SEZ6: variants seen among roughly 807,000 people sequenced by gnomAD.
SEZ6 encodes the protein seizure related 6 homolog.
In SEZ6, 53 loss-of-function variants were observed where a neutral mutation model predicts 101.0. The ratio of observed to expected loss-of-function variants is 0.52; its 90% CI spans 0.42 to 0.66. The LOEUF is 0.66. Ranked by LOEUF, SEZ6 falls within the 30% of genes least tolerant of loss-of-function variation. The pLI, the probability that SEZ6 is intolerant of heterozygous loss-of-function variation, is 0.00. For synonymous variants in SEZ6, 488 were observed against 512.2 expected (o/e 0.95, Z 0.64); for missense variants, 1,102 against 1,289.4 (o/e 0.85, Z 2.23).
At position 28,956,229 on chromosome 17, in the gene SEZ6, C is replaced by T. The variant is rs770791540; in HGVS notation, c.2882G>A (p.Arg961His). Residue 961 changes from arginine (R) to histidine (H), a missense_variant, in exon 16 of 17, where the codon CGC becomes CAC. Arg to His is a conservative substitution (Grantham distance 29, BLOSUM62 0). Transcript: ENST00000317338. The stretch of plus-strand genomic sequence containing the variant: ...GCGGTTGTAGGGGCGGGGGCGGGGG[C>T]GGGGCAGCTGCAGGGAGCTTTTTCC... Reference protein sequence around the residue: ...LQGKSSLQLPRPRPRPYNRIT... With the variant: ...LQGKSSLQLPHPRPRPYNRIT... 531 of 1,313,854 alleles carry T rather than the reference C, an allele frequency of 4.0e-4. No individual in the cohort carries two copies. The highest frequency in any genetic ancestry group is 5.0e-4 in the Non-Finnish European group (506 of 1,021,912). 81.4% of individuals were successfully genotyped at this position (1,313,854 alleles called of 1,614,324 possible).
chr17:28,955,682 G>A lies in SEZ6; in HGVS notation c.*280C>T, dbSNP rs1367322488. ...GGGCATGAGGAGGCTCAGGATGCTG[G>A]CTGTTGATGCTTGTGCTCCAGCTAT... On this transcript the variant is annotated 3_prime_UTR_variant, in exon 17 of 17. Transcript: ENST00000317338. 3.1e-6 allele frequency: 2 copies of A among 645,050 alleles called. No individual in the cohort carries two copies. The highest frequency in any genetic ancestry group is 5.7e-6 in the Non-Finnish European group (2 of 348,268). The allele number at this position is 645,050 out of a possible 1,614,324, so 40.0% of individuals were successfully genotyped here.
chr17:28,997,480 C>G (rs2041558202), intron 1 of SEZ6, among the ~76,000 whole-genome samples: 1 of 152,140 alleles, frequency 6.6e-6, no homozygotes, highest in Non-Finnish European at 1.5e-5. Flanking sequence ...TTAGAAGCAC[C>G]CTGATCTTGG....
intron 3 of SEZ6, among the ~76,000 whole-genome samples, chr17:28,978,168 A>G (rs2041251011): frequency 6.6e-6 from 1 of 152,222 alleles, no homozygotes; most frequent in South Asian, 2.1e-4. Context: ...GCAGAACAGA[A>G]GGCAGGGAGC....
chr17:28,967,587 C>T (rs1037575178), intron 4 of SEZ6, among the ~76,000 whole-genome samples: 2 of 152,130 alleles, frequency 1.3e-5, no homozygotes, highest in Admixed American at 6.5e-5. Context: ...GTGTGGGGCA[C>T]CACACCCAGA....
intron 1 of SEZ6, among the ~76,000 whole-genome samples, chr17:28,982,879 G>T (rs1044501007): frequency 2.0e-5 from 3 of 152,190 alleles, no homozygotes; most frequent in Admixed American, 6.5e-5. Context: ...TCACTATGTT[G>T]TCTGGGCTGG....
In SEZ6 at chr17:28,957,391, C is replaced by A. The variant is rs762791252; in HGVS notation, c.2451G>T (p.Gln817His). ...GSSILTCHDR[Q>H]AGSPKWSDRA... ...GGTCACTCCACTTGGGGCTGCCAGC[C>A]TGGCGATCATGGCAGGTGAGGATGG... Residue 817 changes from glutamine (Q) to histidine (H), a missense_variant, in exon 12 of 17, where the codon CAG becomes CAT. Gln to His is a conservative substitution (Grantham distance 24, BLOSUM62 0). Transcript: ENST00000317338. The A allele has an allele frequency of 5.0e-6, 8 of 1,613,632 alleles. No individual in the cohort carries two copies. Among genetic ancestry groups the A allele is most frequent in the Non-Finnish European group, 6.8e-6 (8 of 1,179,726 alleles).
intron 1 of SEZ6, among the ~76,000 whole-genome samples, chr17:28,995,776 G>A (rs554706374): frequency 1.3e-5 from 2 of 152,280 alleles, no homozygotes; most frequent in South Asian, 2.1e-4. Flanking sequence ...TGGGACCCAG[G>A]GTGAAGGCTC....
rs775032830 is a variant in SEZ6 at position 28,979,882 on chromosome 17, T to TGTG, written c.725-72_725-70dup. On this transcript the variant is annotated intron_variant, in intron 2 of 16. Coordinates refer to ENST00000317338, the MANE Select transcript of SEZ6 (RefSeq NM_178860.5). ...AAGTGGTCCAACTAAGGCTGAACCG[T>TGTG]GTGTGTGTGTGTGTGTGTGTGTGTG... The TGTG allele has an allele frequency of 6.3e-5, 10 of 157,580 alleles. No individual in the cohort carries two copies. In the South Asian group the frequency reaches 1.5e-3, roughly 23 times the overall value. The allele number at this position is 157,580 out of a possible 1,614,324, so 9.8% of individuals were successfully genotyped here.
At chr17:29,003,638 G>A (rs981174414) in intron 1 of SEZ6, among the ~76,000 whole-genome samples, 3 of 152,210 alleles carry the variant, frequency 2.0e-5, no homozygotes, top group African/African-American at 4.8e-5. Context: ...GGCCAAATGC[G>A]CTGCTCCCCA....
At chr17:28,958,569 C>T (rs1383749767) in intron 10 of SEZ6, among the ~76,000 whole-genome samples, 1 of 152,122 alleles carries the variant, frequency 6.6e-6, no homozygotes, top group African/African-American at 2.4e-5. Context: ...GTGGGCAGAT[C>T]ACTTGAAGCC....
intron 3 of SEZ6, among the ~76,000 whole-genome samples, chr17:28,977,485 G>A (rs986300256): frequency 8.5e-5 from 13 of 152,334 alleles, no homozygotes; most frequent in Admixed American, 3.3e-4. Context: ...GCAGGTCTTC[G>A]TCTCAAGGTT....
At chr17:28,984,810 A>T (rs2041355290) in intron 1 of SEZ6, among the ~76,000 whole-genome samples, 1 of 152,054 alleles carries the variant, frequency 6.6e-6, no homozygotes, top group Non-Finnish European at 1.5e-5. Context: ...GTTTCCCAGG[A>T]TTGTGGCCAG....
intron 1 of SEZ6, among the ~76,000 whole-genome samples, chr17:28,984,213 G>A (rs1455115388): frequency 6.6e-6 from 1 of 152,140 alleles, no homozygotes; most frequent in Non-Finnish European, 1.5e-5. Flanking sequence ...AATAAGTTAC[G>A]GAAGGTCCAG....
chr17:28,960,724 G>A (rs2040964718), intron 6 of SEZ6, 53 bp from the exon 7 acceptor site: 1 of 1,611,896 alleles, frequency 6.2e-7, no homozygotes, highest in African/African-American at 1.3e-5. Flanking sequence ...CAGATGGGGT[G>A]TGGCCCCAGG....
At position 28,981,566 on chromosome 17, in the gene SEZ6, G is replaced by A. The variant is rs1423764389; in HGVS notation, c.529C>T (p.Pro177Ser). ...GPGEIASTTP[P>S]SRAWTPTQEG... The stretch of plus-strand genomic sequence containing the variant: ...TGGGTTGGTGTCCAGGCTCTGCTGG[G>A]GGGTGTAGTGCTGGCTATCTCCCCT... Residue 177 changes from proline to serine, a missense_variant, in exon 2 of 17, where the codon CCC (proline) becomes TCC (serine). This residue lies in a region of SEZ6 where 406 missense variants were observed against 418.6 expected (regional missense o/e 0.97). Coordinates refer to ENST00000317338, the MANE Select transcript of SEZ6 (RefSeq NM_178860.5). The A allele has an allele frequency of 6.2e-7, 1 of 1,612,180 alleles. No individual in the cohort carries two copies.
At position 28,971,969 on chromosome 17, in the gene SEZ6, C is replaced by CT. The variant is rs1171816349; in HGVS notation, c.859-2018dup. 4.6e-5 allele frequency among the ~76,000 whole-genome samples: 7 copies of CT among 152,396 alleles called. No individual in the cohort carries two copies. In the East Asian group the frequency reaches 1.3e-3, roughly 29 times the overall value. On this transcript the variant is annotated intron_variant, in intron 3 of 16. Coordinates refer to ENST00000317338, the MANE Select transcript of SEZ6 (RefSeq NM_178860.5). ...GATTGCCTGGAGGACAAGCTCCAAA[C>CT]TGCCCAGCTCACATTTGGTGCCAGT...
intron 14 of SEZ6, 43 bp from the exon 15 acceptor site, chr17:28,956,510 C>T: frequency 6.5e-7 from 1 of 1,534,180 alleles, no homozygotes; most frequent in Non-Finnish European, 8.8e-7. Flanking sequence ...GTCTCTGTCA[C>T]CTGGAGCCCA....
At position 28,969,739 on chromosome 17, in the gene SEZ6, C is replaced by T. The variant is rs1490937738; in HGVS notation, c.1054+18G>A. ...AGCGAGTCTGGGCTGGTTCCACCTT[C>T]AACTACCCAGGCCTTACCTTGGTAA... On this transcript the variant is annotated intron_variant, in intron 4 of 16. Transcript: ENST00000317338. The T allele has an allele frequency of 2.1e-6, 3 of 1,460,726 alleles. No individual in the cohort carries two copies. The highest frequency in any genetic ancestry group is 2.7e-6 in the Non-Finnish European group (3 of 1,111,016). 90.5% of individuals were successfully genotyped at this position (1,460,726 alleles called of 1,614,324 possible).
In SEZ6 at chr17:29,005,145, G is replaced by A. The variant is rs1162641423; in HGVS notation, c.55+670C>T. Among the ~76,000 whole-genome samples, 1 of 151,944 alleles carries A rather than the reference G, an allele frequency of 6.6e-6. No homozygotes were observed. Among genetic ancestry groups the A allele is most frequent in the Non-Finnish European group, 1.5e-5 (1 of 67,964 alleles). On this transcript the variant is annotated intron_variant, in intron 1 of 16. Coordinates refer to ENST00000317338, the MANE Select transcript of SEZ6 (RefSeq NM_178860.5). This position sits in a 1 kb window ranked among gnomAD's most constrained non-coding sequence, Gnocchi z 4.8. ...CAAGGAAAGGACTTTGGGGAGGACA[G>A]AGTCTCTATCCCAGGATCTCCGCTG...
Sources: gnomAD v4.1 joint callset for allele counts (sites outside exome capture counted in the v4.1 genomes callset) on GRCh38, gnomAD v4.1.1 for gene constraint, gnomAD v4.1.1 regional missense constraint, Gnocchi (gnomAD v3.1) non-coding constraint, MANE v1.5 for transcripts, NCBI Gene and HGNC (gene_info 2026-07-23, HGNC 2026-07-21) for gene names.